The following SUPT5H variants were observed in gnomAD, a reference collection of about 807,000 sequenced individuals.
SUPT5H encodes the protein SPT5 homolog, DSIF elongation factor subunit, also known as transcription elongation factor SPT5.
SUPT5H carries 24 observed loss-of-function variants against 142.5 expected under a neutral mutation model. The ratio of observed to expected loss-of-function variants is 0.17; its 90% CI spans 0.12 to 0.24. The LOEUF (loss-of-function observed/expected upper bound fraction) is 0.24, where lower values mean the gene tolerates loss of function less well. Among genes scored for constraint, SUPT5H ranks in the 10% least tolerant of loss-of-function variants. The pLI is 1.00. For missense variants in SUPT5H, 893 were observed against 1,471.8 expected (o/e 0.61, Z 6.43); for synonymous variants, 546 against 553.0 (o/e 0.99, Z 0.18).
Position 39,476,280 on chromosome 19 carries a change from C to T in SUPT5H, c.3145C>T (p.Arg1049Trp), listed in dbSNP as rs542586659. 1.2e-6 allele frequency: 2 copies of T among 1,614,054 alleles called. No homozygotes were observed. The highest frequency in any genetic ancestry group is 1.1e-5 in the South Asian group (1 of 91,064). The change falls in exon 30 of 30, where the codon CGG becomes TGG. Residue 1049 changes from arginine (R) to tryptophan (W), a missense_variant. Around this residue, in one of 6 missense-constraint regions of SUPT5H, gnomAD observed 336 missense variants for 546.5 expected, o/e 0.61. Transcript: ENST00000432763. ...NKVKVILGED[R>W]EATGVLLSID... ...GGTGAAAGTGATCCTGGGCGAGGAT[C>T]GGGAAGCCACGGGCGTCCTACTGAG...
In SUPT5H at chr19:39,460,666, C is replaced by G. The variant is rs145530551; in HGVS notation, c.624+706C>G. Among the ~76,000 whole-genome samples the G allele has an allele frequency of 2.8e-3, 424 of 152,078 alleles. 2 individuals are homozygous for G. Among genetic ancestry groups the G allele is most frequent in the African/African-American group, 0.01 (418 of 41,498 alleles). ...GGCAGAATCACTTGAACCCAGGAGG[C>G]AGAAGTTGCGGTGAGCCGAGATCGC... On this transcript the variant is annotated intron_variant, in intron 10 of 29. Transcript: ENST00000432763.
At chr19:39,471,303 C>T (rs541061879) in intron 18 of SUPT5H, 54 bp from the exon 19 acceptor site, 315 of 1,608,002 alleles carry the variant, frequency 2.0e-4, no homozygotes, top group Non-Finnish European at 2.5e-4. Context: ...ACCCCTGCCC[C>T]GTGTCTCCCC....
At chr19:39,446,438 G>A (rs190293365) in intron 2 of SUPT5H, among the ~76,000 whole-genome samples, 1 of 152,190 alleles carries the variant, frequency 6.6e-6, no homozygotes, top group African/African-American at 2.4e-5. Context: ...AAGGGGAATG[G>A]AGAGTCCTGG....
chr19:39,472,583 C>T lies in SUPT5H; in HGVS notation c.2035+90C>T. On this transcript the variant is annotated intron_variant, in intron 21 of 29. Transcript: ENST00000432763. This position sits in a 1 kb window ranked among gnomAD's most constrained non-coding sequence, Gnocchi z 4.2. Reference sequence around the variant, plus strand: ...AGCCTACACTCACTGAGTGCCTGTGCTGGGCTGGGCACTGCTATTAGGGGT... The same window carrying T: ...AGCCTACACTCACTGAGTGCCTGTGTTGGGCTGGGCACTGCTATTAGGGGT... 6.8e-7 allele frequency: 1 copy of T among 1,481,100 alleles called. No homozygotes were observed. The highest frequency in any genetic ancestry group is 9.3e-7 in the Non-Finnish European group (1 of 1,074,704). The allele number at this position is 1,481,100 out of a possible 1,614,324, so 91.7% of individuals were successfully genotyped here. A position where few individuals can be genotyped will look rare whatever the true frequency, so the allele number is the denominator to read the frequency against.
intron 1 of SUPT5H, 36 bp from the exon 2 acceptor site, chr19:39,445,768 C>T: frequency 8.5e-7 from 1 of 1,176,460 alleles, no homozygotes; most frequent in South Asian, 1.3e-5. Flanking sequence ...CAAAACGAGC[C>T]TGCCGGAAGC....
intron 2 of SUPT5H, among the ~76,000 whole-genome samples, chr19:39,447,736 A>G (rs140729688): frequency 1.3e-5 from 2 of 152,120 alleles, no homozygotes; most frequent in Non-Finnish European, 2.9e-5. Flanking sequence ...CACCTTTTAA[A>G]CTTATTTTTG....
rs2079253466 is a variant in SUPT5H at position 39,467,242 on chromosome 19, GGGTTGT to G, written c.1037+501_1037+506del. The stretch of plus-strand genomic sequence containing the variant: ...TACTAAAAATACAAAAATTAGCCAA[GGGTTGT>G]GGTCAGCTCCTGTAATCCAAGCTAC... On this transcript the variant is annotated intron_variant, in intron 13 of 29. Coordinates refer to ENST00000432763, the MANE Select transcript of SUPT5H (RefSeq NM_001111020.3). Among the ~76,000 whole-genome samples, 17 of 152,228 alleles carry G rather than the reference GGGTTGT, an allele frequency of 1.1e-4. No homozygotes were observed. The South Asian group carries it at 3.5e-3, about 32-fold the overall frequency.
At chr19:39,457,649 C>T (rs2079107048) in intron 3 of SUPT5H, 26 bp from the exon 4 acceptor site, 2 of 1,610,990 alleles carry the variant, frequency 1.2e-6, no homozygotes, top group East Asian at 4.5e-5. Flanking sequence ...ACCTTTGCCA[C>T]TTACCACTTG....
At position 39,458,026 on chromosome 19, in the gene SUPT5H, A is replaced by G. The variant is rs2079113152; in HGVS notation, c.308-268A>G. 1 of 731,512 alleles carries G rather than the reference A, an allele frequency of 1.4e-6. No homozygotes were observed. Among genetic ancestry groups the G allele is most frequent in the African/African-American group, 1.8e-5 (1 of 56,872 alleles). 45.3% of individuals were successfully genotyped at this position (731,512 alleles called of 1,614,324 possible). On this transcript the variant is annotated intron_variant, in intron 4 of 29. Transcript: ENST00000432763. This position sits in a 1 kb window ranked among gnomAD's most constrained non-coding sequence, Gnocchi z 4.2. ...TGTAGGGTGGGCGAGCTCTGTCCCA[A>G]GATACCCCCCACTTCCTGGGCCAGT... is the stretch of plus-strand genomic sequence containing the variant.
At chr19:39,453,783 T>G (rs1216798864) in intron 3 of SUPT5H, among the ~76,000 whole-genome samples, 2 of 152,126 alleles carry the variant, frequency 1.3e-5, no homozygotes, top group African/African-American at 4.8e-5. Context: ...GCCAGGGTGG[T>G]CTCAATCTCC....
chr19:39,448,920 C>T (rs1344561426), intron 2 of SUPT5H, among the ~76,000 whole-genome samples: 2 of 148,496 alleles, frequency 1.3e-5, no homozygotes, highest in African/African-American at 2.5e-5. Context: ...ATGGTGAAAC[C>T]CCGTCTCTAC....
Position 39,458,164 on chromosome 19 carries a change from C to G in SUPT5H, c.308-130C>G, listed in dbSNP as rs553206677. On this transcript the variant is annotated intron_variant, in intron 4 of 29. Transcript: ENST00000432763. This position sits in a 1 kb window ranked among gnomAD's most constrained non-coding sequence, Gnocchi z 4.2. ...GTTTTCAACCTTTCTGTGTCCCTCC[C>G]TTCCCCTCCCCCAACCCATTGGTTG... is the stretch of plus-strand genomic sequence containing the variant. 2.8e-6 allele frequency: 4 copies of G among 1,448,964 alleles called. No individual in the cohort carries two copies. Among genetic ancestry groups the G allele is most frequent in the East Asian group, 4.8e-5 (2 of 41,926 alleles). 89.8% of individuals were successfully genotyped at this position (1,448,964 alleles called of 1,614,324 possible).
chr19:39,448,175 A>C (rs138278115), intron 2 of SUPT5H, among the ~76,000 whole-genome samples: 6 of 152,330 alleles, frequency 3.9e-5, no homozygotes, highest in Non-Finnish European at 5.9e-5. Context: ...AAAAGATTTC[A>C]TGTGGCTGTG....
chr19:39,469,673 T>A lies in SUPT5H; in HGVS notation c.1374+275T>A. The A allele has an allele frequency of 1.8e-6, 1 of 557,172 alleles. No individual in the cohort carries two copies. The highest frequency in any genetic ancestry group is 3.1e-5 in the Admixed American group (1 of 32,378). 34.5% of individuals were successfully genotyped at this position (557,172 alleles called of 1,614,324 possible). A position where few individuals can be genotyped will look rare whatever the true frequency, so the allele number is the denominator to read the frequency against. ...TATCTGGGTAGTACTGGGTTGAGAG[T>A]GTGATTAACCAAGGAGTAATCTGAG... On this transcript the variant is annotated intron_variant, in intron 16 of 29. Coordinates refer to ENST00000432763, the MANE Select transcript of SUPT5H (RefSeq NM_001111020.3). The surrounding 1 kb of genome is among the most constrained non-coding windows in gnomAD (Gnocchi z 5.1).
At chr19:39,463,251 C>G (rs1255413521) in intron 10 of SUPT5H, among the ~76,000 whole-genome samples, 1 of 152,134 alleles carries the variant, frequency 6.6e-6, no homozygotes, top group Non-Finnish European at 1.5e-5. Context: ...ATCCTCCTGC[C>G]TCGGCCTCCC....
rs2079124742 is a variant in SUPT5H at position 39,458,866 on chromosome 19, G to A, written c.368G>A (p.Arg123His). 1 of 1,613,684 alleles carries A rather than the reference G, an allele frequency of 6.2e-7. No homozygotes were observed. Among genetic ancestry groups the A allele is most frequent in the Non-Finnish European group, 8.5e-7 (1 of 1,179,716 alleles). The change falls in exon 6 of 30, where the codon CGC (arginine) becomes CAC (histidine). Residue 123 changes from arginine (R) to histidine (H), a missense_variant. Physicochemically the swap from Arg to His is conservative, Grantham distance 29. Around this residue, in one of 6 missense-constraint regions of SUPT5H, gnomAD observed 428 missense variants for 763.5 expected, o/e 0.56. Coordinates refer to ENST00000432763, the MANE Select transcript of SUPT5H (RefSeq NM_001111020.3). This position sits in a 1 kb window ranked among gnomAD's most constrained non-coding sequence, Gnocchi z 4.2. ...CTGGATGAAGATCGTTCTGGGGCTC[G>A]CCGCCTGCAAAACCTCTGGAGGTGG... ...VVLDEDRSGA[R>H]RLQNLWRDQR...
chr19:39,459,741 A>T lies in SUPT5H; in HGVS notation c.556-151A>T, dbSNP rs1361651430. ...CCTCACTCCACGTTACTGACTGGCT[A>T]TCTCCCACCTCCATCTTCCTGGCTG... On this transcript the variant is annotated intron_variant, in intron 9 of 29. Transcript: ENST00000432763. The T allele has an allele frequency of 7.1e-6, 9 of 1,270,570 alleles. No homozygotes were observed. The African/African-American group carries it at 1.3e-4, about 19-fold the overall frequency. The allele number at this position is 1,270,570 out of a possible 1,614,324, so 78.7% of individuals were successfully genotyped here.
intron 2 of SUPT5H, among the ~76,000 whole-genome samples, chr19:39,453,002 G>A (rs1162493736): frequency 7.7e-6 from 1 of 129,942 alleles, no homozygotes; most frequent in Non-Finnish European, 1.6e-5. Flanking sequence ...GACAGAGTGG[G>A]ACTCTGTCTC....
intron 2 of SUPT5H, among the ~76,000 whole-genome samples, chr19:39,448,950 C>T (rs985754922): frequency 6.9e-6 from 1 of 144,942 alleles, no homozygotes; most frequent in African/African-American, 2.5e-5. Context: ...AAAAAATTAG[C>T]GTGGTGGTGG....
Sources: gnomAD v4.1 joint callset for allele counts (sites outside exome capture counted in the v4.1 genomes callset) on GRCh38, gnomAD v4.1.1 for gene constraint, gnomAD v4.1.1 regional missense constraint, Gnocchi (gnomAD v3.1) non-coding constraint, MANE v1.5 for transcripts, NCBI Gene and HGNC (gene_info 2026-07-23, HGNC 2026-07-21) for gene names.